Variants in ARL13B observed in about 807,000 individuals in gnomAD.
ARL13B encodes ADP-ribosylation factor-like protein 13B.
A neutral mutation model predicts 56.1 loss-of-function variants in ARL13B; 36 were observed. The ratio of observed to expected loss-of-function variants is 0.64; its 90% CI spans 0.49 to 0.85. The LOEUF is 0.85. Ranked by LOEUF, ARL13B falls within the 40% of genes least tolerant of loss-of-function variation. The pLI, the probability that ARL13B is intolerant of heterozygous loss-of-function variation, is 0.00. For missense variants in ARL13B, 519 were observed against 507.1 expected (o/e 1.02, Z -0.23); for synonymous variants, 178 against 171.1 (o/e 1.04, Z -0.32).
At chr3:93,990,878 C>T (rs536603763) in intron 1 of ARL13B, among the ~76,000 whole-genome samples, 12 of 152,278 alleles carry the variant, frequency 7.9e-5, no homozygotes, top group Admixed American at 7.2e-4. Context: ...ACTAACTTCT[C>T]ACTTTAAGAA....
intron 2 of ARL13B, among the ~76,000 whole-genome samples, chr3:93,999,771 G>A (rs1353518766): frequency 6.6e-6 from 1 of 152,094 alleles, no homozygotes; most frequent in African/African-American, 2.4e-5. Context: ...GTCAGTAATT[G>A]CATTAGTTGG....
rs2077114317 is a variant in ARL13B, at chr3:94,054,532, C to T, written c.*1269C>T. The T allele has an allele frequency of 2.6e-6, 1 of 384,370 alleles. No homozygotes were observed. Among genetic ancestry groups the T allele is most frequent in the Admixed American group, 3.5e-5 (1 of 28,510 alleles). 23.8% of individuals were successfully genotyped at this position (384,370 alleles called of 1,614,324 possible). On this transcript the variant is annotated 3_prime_UTR_variant, in exon 10 of 10. Transcript: ENST00000394222. ...AGTATAAACAGAATGATTTTTATAC[C>T]ACCTTGTTAAGATTGGTGCTTTTGG...
intron 1 of ARL13B, chr3:93,988,989 G>A (rs753621992): frequency 5.2e-5 from 15 of 290,068 alleles, no homozygotes; most frequent in South Asian, 9.7e-5. Context: ...TGTGGGCCAC[G>A]GAGCTGAGAG....
intron 5 of ARL13B, among the ~76,000 whole-genome samples, chr3:94,038,221 T>A (rs2076802622): frequency 6.6e-6 from 1 of 152,198 alleles, no homozygotes. Context: ...TTCTCACATA[T>A]ATTACTTTAT....
chr3:94,043,027 C>A lies in ARL13B; in HGVS notation c.811C>A (p.Leu271Ile). Reference sequence around the variant, plus strand: ...TATTTTTTGTTAGAATGAAGGAAAACTTGAAAGAGAGAAAAAAAACCAAAA... The same window carrying A: ...TATTTTTTGTTAGAATGAAGGAAAAATTGAAAGAGAGAAAAAAAACCAAAA... ...ASVIIENEGKLEREKKNQKME... is the reference protein window; with the variant it reads ...ASVIIENEGKIEREKKNQKME... Residue 271 changes from leucine (L) to isoleucine (I), a missense_variant, in exon 7 of 10, where the codon CTT becomes ATT. Transcript: ENST00000394222. 1 of 1,607,780 alleles carries A rather than the reference C, an allele frequency of 6.2e-7. No individual in the cohort carries two copies. The highest frequency in any genetic ancestry group is 8.5e-7 in the Non-Finnish European group (1 of 1,177,622).
chr3:94,033,518 T>C (rs2076712922), intron 3 of ARL13B, among the ~76,000 whole-genome samples: 1 of 152,144 alleles, frequency 6.6e-6, no homozygotes. Context: ...CACCAAGTAG[T>C]TGGTGAAAGC....
chr3:93,993,195 G>A (rs1387684207), intron 1 of ARL13B, among the ~76,000 whole-genome samples: 21 of 151,958 alleles, frequency 1.4e-4, no homozygotes, highest in Non-Finnish European at 2.6e-4. Context: ...GCGTGATCTC[G>A]GCTCATTGCA....
chr3:94,014,090 T>C (rs2076277634), intron 3 of ARL13B, among the ~76,000 whole-genome samples: 1 of 152,204 alleles, frequency 6.6e-6, no homozygotes. Flanking sequence ...ATGTATAATA[T>C]AGAGCTTGAT....
rs1323715544 is a variant in ARL13B, at chr3:94,054,394, C to T, written c.*1131C>T. 2.5e-6 allele frequency: 1 copy of T among 405,292 alleles called. No individual in the cohort carries two copies. The highest frequency in any genetic ancestry group is 2.1e-5 in the African/African-American group (1 of 47,936). 25.1% of individuals were successfully genotyped at this position (405,292 alleles called of 1,614,324 possible). A position where few individuals can be genotyped will look rare whatever the true frequency, so the allele number is the denominator to read the frequency against. ...GCACTTCTCTTGCACTTAAGAATGG[C>T]ATCCATAAGATTCTGTATTTGGCAT... On this transcript the variant is annotated 3_prime_UTR_variant, in exon 10 of 10. Coordinates refer to ENST00000394222, the MANE Select transcript of ARL13B (RefSeq NM_001174150.2).
chr3:94,051,134 G>A (rs1210873524), intron 9 of ARL13B, among the ~76,000 whole-genome samples: 1 of 151,958 alleles, frequency 6.6e-6, no homozygotes, highest in Non-Finnish European at 1.5e-5. Flanking sequence ...ATCATAGCTT[G>A]TGTTTATTAT....
At chr3:94,006,242 G>A (rs2076132712) in intron 3 of ARL13B, among the ~76,000 whole-genome samples, 1 of 152,136 alleles carries the variant, frequency 6.6e-6, no homozygotes, top group Non-Finnish European at 1.5e-5. Context: ...GTTGCAGTGA[G>A]CCAAGATCAC....
At chr3:94,005,099 A>G (rs1191608602) in intron 3 of ARL13B, among the ~76,000 whole-genome samples, 1 of 152,158 alleles carries the variant, frequency 6.6e-6, no homozygotes, top group African/African-American at 2.4e-5. Flanking sequence ...TAATTCAACA[A>G]ATATTTACGT....
At chr3:94,049,670 A>T in intron 8 of ARL13B, 148 bp downstream of exon 8, 1 of 575,180 alleles carries the variant, frequency 1.7e-6, no homozygotes, top group Non-Finnish European at 2.9e-6. Flanking sequence ...TCTGATTTGG[A>T]CAAAATTTGC....
intron 7 of ARL13B, among the ~76,000 whole-genome samples, chr3:94,045,965 AAAG>A (rs2076976300): frequency 1.4e-5 from 2 of 146,618 alleles, no homozygotes; most frequent in African/African-American, 2.5e-5. Flanking sequence ...AAAAAAAAAA[AAAG>A]AAAAAAAAAA....
chr3:94,015,730 T>G (rs1349712949), intron 3 of ARL13B, among the ~76,000 whole-genome samples: 1 of 152,186 alleles, frequency 6.6e-6, no homozygotes, highest in African/African-American at 2.4e-5. Context: ...TATGCATCAT[T>G]CAGTTAAAAC....
At chr3:93,995,981 T>C in intron 2 of ARL13B, 37 bp downstream of exon 2, 6 of 1,582,038 alleles carry the variant, frequency 3.8e-6, no homozygotes, top group Non-Finnish European at 5.2e-6. Flanking sequence ...CTGAACTCTA[T>C]TAAATTATTC....
intron 7 of ARL13B, among the ~76,000 whole-genome samples, chr3:94,046,388 T>C (rs1402800544): frequency 6.6e-6 from 1 of 152,142 alleles, no homozygotes; most frequent in Non-Finnish European, 1.5e-5. Flanking sequence ...TATATACTAT[T>C]CCTTGAATAT....
At chr3:93,992,572 C>T (rs1575936174) in intron 1 of ARL13B, among the ~76,000 whole-genome samples, 1 of 152,110 alleles carries the variant, frequency 6.6e-6, no homozygotes, top group African/African-American at 2.4e-5. Flanking sequence ...GTAATGGGTG[C>T]TTAATATTTA....
intron 6 of ARL13B, among the ~76,000 whole-genome samples, chr3:94,041,985 G>T (rs574349121): frequency 1.3e-5 from 2 of 152,214 alleles, no homozygotes; most frequent in South Asian, 2.1e-4. Context: ...AAACCTGGAG[G>T]GGTGGAGGTT....
Sources: allele counts gnomAD v4.1 joint callset (sites outside exome capture counted in the v4.1 genomes callset), GRCh38; gene constraint gnomAD v4.1.1; transcripts MANE v1.5; gene names NCBI Gene and HGNC (gene_info 2026-07-23, HGNC 2026-07-21).